FGFR3: variants seen among roughly 807,000 people sequenced by gnomAD.
FGFR3 encodes the protein FGFR-3.
FGFR3 carries 25 observed loss-of-function variants against 82.9 expected under a neutral mutation model. The ratio of observed to expected loss-of-function variants is 0.30; its 90% confidence interval spans 0.22 to 0.42. FGFR3 has a LOEUF of 0.42. Among genes scored for constraint, FGFR3 ranks in the 10% least tolerant of loss-of-function variants. FGFR3 has a pLI of 1.00. For missense variants in FGFR3, 1,026 were observed against 1,161.0 expected, an observed-to-expected ratio of 0.88 and a Z score of 1.69; for synonymous variants, 620 against 516.0, an observed-to-expected ratio of 1.20 and a Z score of -2.73.
At chr4:1,801,579 T>C (rs1021016673) in intron 5 of FGFR3, 41 bp from the exon 6 acceptor site, 2 of 1,582,462 alleles carry the variant, frequency 1.3e-6, no homozygotes, top group East Asian at 2.3e-5. Flanking sequence ...GGCGCGGTGG[T>C]TGCTGCCTCC....
rs140307141 is a variant in FGFR3 at position 1,807,532 on chromosome 4, C to T, written c.*270C>T. ...TGACTGGTGCTGCAGCACCGAGGGGCCTTTGTTCTGGGGGGACCCAGTGCA... is the reference window on the plus strand; with the variant it reads ...TGACTGGTGCTGCAGCACCGAGGGGTCTTTGTTCTGGGGGGACCCAGTGCA... On this transcript the variant is annotated 3_prime_UTR_variant, in exon 18 of 18. Transcript: ENST00000440486. 9 of 715,106 alleles carry T rather than the reference C, an allele frequency of 1.3e-5. No individual in the cohort carries two copies. In the African/African-American group the frequency reaches 1.6e-4, roughly 12 times the overall value. 44.3% of individuals were successfully genotyped at this position (715,106 alleles called of 1,614,324 possible). A position where few individuals can be genotyped will look rare whatever the true frequency, so the allele number is the denominator to read the frequency against.
intron 2 of FGFR3, among the ~76,000 whole-genome samples, chr4:1,796,288 C>T (rs1008169366): frequency 2.6e-5 from 4 of 152,130 alleles, no homozygotes; most frequent in Non-Finnish European, 5.9e-5. Context: ...AGGATTAGGC[C>T]AGATAACCCT....
intron 7 of FGFR3, chr4:1,802,902 T>G (rs1054810915): frequency 6.3e-7 from 1 of 1,582,350 alleles, no homozygotes; most frequent in Non-Finnish European, 8.6e-7. Flanking sequence ...GCCGGGTCTC[T>G]TGTCCCCGCA....
intron 17 of FGFR3, 36 bp downstream of exon 17, chr4:1,806,970 T>C (rs1360056065): frequency 6.3e-7 from 1 of 1,577,092 alleles, no homozygotes; most frequent in Non-Finnish European, 8.6e-7. Context: ...CACCCGCCTA[T>C]GCCCCTCCCC....
Position 1,804,844 on chromosome 4 carries a change from G to A in FGFR3, c.1287G>A (p.Ala429=), listed in dbSNP as rs187229103. Residue 429 remains alanine, a synonymous_variant, in exon 10 of 18, where the codon GCG becomes GCA. Coordinates refer to ENST00000440486, the MANE Select transcript of FGFR3 (RefSeq NM_000142.5). ...AGCAGGTGTCCCTGGAGTCCAACGC[G>A]TCCATGAGCTCCAACACACCACTGG... ...LKRQVSLESN[A]SMSSNTPLVR... 2.3e-4 allele frequency: 356 copies of A among 1,549,920 alleles called. 1 individual carries two copies. The highest frequency in any genetic ancestry group is 1.9e-3 in the South Asian group (158 of 84,028).
chr4:1,799,424 C>T lies in FGFR3; in HGVS notation c.280C>T (p.Leu94=), dbSNP rs1299740056. ...SERVLVGPQR[L]QVLNASHEDS... ...GCGTGTCCTGGTGGGGCCCCAGCGGCTGCAGGTGCTGAATGCCTCCCACGA... is the reference window on the plus strand; with the variant it reads ...GCGTGTCCTGGTGGGGCCCCAGCGGTTGCAGGTGCTGAATGCCTCCCACGA... The change falls in exon 3 of 18, where the codon CTG becomes TTG. Residue 94 remains leucine (L), a synonymous_variant. Coordinates refer to ENST00000440486, the MANE Select transcript of FGFR3 (RefSeq NM_000142.5). The T allele has an allele frequency of 2.5e-6, 4 of 1,611,192 alleles. No individual in the cohort carries two copies. The highest frequency in any genetic ancestry group is 2.7e-5 in the African/African-American group (2 of 75,016).
intron 2 of FGFR3, among the ~76,000 whole-genome samples, chr4:1,798,721 C>T (rs1419798313): frequency 1.3e-5 from 2 of 152,072 alleles, no homozygotes; most frequent in African/African-American, 2.4e-5. Flanking sequence ...CTACTGAGGA[C>T]GGACCCCTCC....
In FGFR3 at chr4:1,805,490, G is replaced by A. The variant is rs374221323; in HGVS notation, c.1534+14G>A. On this transcript the variant is annotated intron_variant, in intron 11 of 17. Coordinates refer to ENST00000440486, the MANE Select transcript of FGFR3 (RefSeq NM_000142.5). ...AGATGCTGAAAGGTGAGGAGGGGGC[G>A]GCCAGGGGTGCAGAGCAGGGCTGGG... The A allele has an allele frequency of 7.4e-6, 12 of 1,612,120 alleles. 1 individual carries two copies. The highest frequency in any genetic ancestry group is 4.4e-5 in the South Asian group (4 of 91,016).
At position 1,799,532 on chromosome 4, in the gene FGFR3, TG is replaced by T; in HGVS notation, c.379+13del. 6.4e-7 allele frequency: 1 copy of T among 1,551,884 alleles called. No homozygotes were observed. The highest frequency in any genetic ancestry group is 8.7e-7 in the Non-Finnish European group (1 of 1,148,572). On this transcript the variant is annotated intron_variant, in intron 3 of 17. Coordinates refer to ENST00000440486, the MANE Select transcript of FGFR3 (RefSeq NM_000142.5). Reference sequence around the variant, plus strand: ...CAGTGTGCGGGTGACAGGTGAGCTCTGGGGCCACGCCAGCTACAGAAAGGAG... The same window carrying T: ...CAGTGTGCGGGTGACAGGTGAGCTCTGGGCCACGCCAGCTACAGAAAGGAG...
intron 8 of FGFR3, 134 bp downstream of exon 8, chr4:1,803,970 C>T: frequency 1.8e-6 from 2 of 1,099,654 alleles, no homozygotes; most frequent in Non-Finnish European, 2.7e-6. Context: ...ACTCCTGGCC[C>T]TGTGCCCAGT....
rs2305182 is a variant in FGFR3, at chr4:1,801,542, C to T, written c.615+6C>T. ...ACCGCATTGGAGGCATCAAGGTGGG[C>T]GCGGCGGGGTGGCTCTGGGCCTGGC... On this transcript the variant is annotated splice_donor_region_variant and intron_variant, in intron 5 of 17. Transcript: ENST00000440486. The T allele has an allele frequency of 1.3e-5, 20 of 1,575,870 alleles. No individual in the cohort carries two copies. Among genetic ancestry groups the T allele is most frequent in the African/African-American group, 1.1e-4 (8 of 74,234 alleles).
rs1308303135 is a variant in FGFR3, at chr4:1,807,644, G to T, written c.*382G>T. On this transcript the variant is annotated 3_prime_UTR_variant, in exon 18 of 18. Coordinates refer to ENST00000440486, the MANE Select transcript of FGFR3 (RefSeq NM_000142.5). ...TCCGGCCTCTGCCTTTGCACCACGG[G>T]ACATCACAGGGTGGGCCTCGGCCCC... 2 of 638,544 alleles carry T rather than the reference G, an allele frequency of 3.1e-6. No individual in the cohort carries two copies. The highest frequency in any genetic ancestry group is 5.9e-6 in the Non-Finnish European group (2 of 336,156). The allele number at this position is 638,544 out of a possible 1,614,324, so 39.6% of individuals were successfully genotyped here.
At chr4:1,806,411 G>A (rs936605778) in intron 15 of FGFR3, 84 bp downstream of exon 15, 50 of 1,598,050 alleles carry the variant, frequency 3.1e-5, no homozygotes, top group Middle Eastern at 1.9e-4. Context: ...CCCCAGGCCT[G>A]TGCCCTGGAG....
intron 7 of FGFR3, chr4:1,802,797 C>T (rs1020303161): frequency 2.2e-6 from 3 of 1,347,976 alleles, no homozygotes; most frequent in Non-Finnish European, 2.9e-6. Context: ...TCCAGGCAGC[C>T]TTTGGGGCTG....
At chr4:1,801,812 C>T (rs1176878074) in intron 6 of FGFR3, 23 bp from the exon 7 acceptor site, 2 of 1,602,486 alleles carry the variant, frequency 1.2e-6, no homozygotes, top group African/African-American at 1.3e-5. Context: ...GGGGTGGCCC[C>T]TGAGCGTCAT....
At position 1,807,264 on chromosome 4, in the gene FGFR3, G is replaced by C. The variant is rs1722062663; in HGVS notation, c.*2G>C. 1 of 1,595,490 alleles carries C rather than the reference G, an allele frequency of 6.3e-7. No homozygotes were observed. Among genetic ancestry groups the C allele is most frequent in the East Asian group, 2.3e-5 (1 of 43,832 alleles). On this transcript the variant is annotated 3_prime_UTR_variant, in exon 18 of 18. Coordinates refer to ENST00000440486, the MANE Select transcript of FGFR3 (RefSeq NM_000142.5). ...AGCAGTGGGGGCTCGCGGACGTGAA[G>C]GGCCACTGGTCCCCAACAATGTGAG...
At chr4:1,800,774 G>A (rs1306228250) in intron 4 of FGFR3, among the ~76,000 whole-genome samples, 3 of 152,200 alleles carry the variant, frequency 2.0e-5, no homozygotes, top group Non-Finnish European at 2.9e-5. Flanking sequence ...CAGCCCTGAG[G>A]AAGGAGAAAA....
At position 1,805,917 on chromosome 4, in the gene FGFR3, A is replaced by T. The variant is rs1721851005; in HGVS notation, c.1813A>T (p.Met605Leu). Residue 605 changes from methionine (M) to leucine (L), a missense_variant, in exon 13 of 18, where the codon ATG (methionine) becomes TTG (leucine). Coordinates refer to ENST00000440486, the MANE Select transcript of FGFR3 (RefSeq NM_000142.5). ...CTGTGCCTACCAGGTGGCCCGGGGC[A>T]TGGAGTACTTGGCCTCCCAGAAGGT... is the stretch of plus-strand genomic sequence containing the variant. ...VSCAYQVARG[M>L]EYLASQKCIH... 1 of 1,611,090 alleles carries T rather than the reference A, an allele frequency of 6.2e-7. No homozygotes were observed. Among genetic ancestry groups the T allele is most frequent in the African/African-American group, 1.3e-5 (1 of 74,904 alleles).
rs1438569324 is a variant in FGFR3, at chr4:1,804,897, A to T, written c.1340A>T (p.Glu447Val). Residue 447 changes from glutamate (E) to valine (V), a missense_variant, in exon 10 of 18, where the codon GAG becomes GTG. Transcript: ENST00000440486. The part of the protein sequence containing the change: ...LVRIARLSSG[E>V]GPTLANVSEL... ...CGCATCGCAAGGCTGTCCTCAGGGG[A>T]GGGCCCCACGCTGGCCAATGTCTCC... 1.3e-6 allele frequency: 2 copies of T among 1,549,700 alleles called. No homozygotes were observed. The highest frequency in any genetic ancestry group is 1.7e-6 in the Non-Finnish European group (2 of 1,146,880).
Sources: gnomAD v4.1 joint callset for allele counts (sites outside exome capture counted in the v4.1 genomes callset) on GRCh38, gnomAD v4.1.1 for gene constraint, MANE v1.5 for transcripts, NCBI Gene and HGNC (gene_info 2026-07-23, HGNC 2026-07-21) for gene names.